The following PCDHGA5 variants were observed in gnomAD, a reference collection of about 807,000 sequenced individuals.
PCDHGA5 encodes protocadherin gamma-A5.
Under a neutral mutation model 56.7 loss-of-function variants are expected in PCDHGA5, and 36 were observed. The observed-to-expected ratio is 0.64, with a 90% CI of 0.49 to 0.84. PCDHGA5 has a LOEUF of 0.84. PCDHGA5 is among the 40% of genes least tolerant of loss of function. The pLI is 0.00. For missense variants in PCDHGA5, 1,305 were observed against 1,201.5 expected (o/e 1.09, Z -1.27); for synonymous variants, 563 against 520.2 (o/e 1.08, Z -1.12).
At chr5:141,424,841 C>A (rs1303241053) in intron 1 of PCDHGA5, among the ~76,000 whole-genome samples, 1 of 152,126 alleles carries the variant, frequency 6.6e-6, no homozygotes. Context: ...TACATGTTAT[C>A]TGAAGCAATG....
intron 1 of PCDHGA5, chr5:141,409,297 T>G (rs762820320): frequency 1.9e-6 from 3 of 1,614,006 alleles, no homozygotes; most frequent in South Asian, 2.2e-5. Context: ...CAGGAATGGT[T>G]GTTGCCCTCT....
rs1264688160 is a variant in PCDHGA5, at chr5:141,493,193, G to A, written c.2422-1614G>A. 6.6e-6 allele frequency among the ~76,000 whole-genome samples: 1 copy of A among 152,128 alleles called. No individual in the cohort carries two copies. On this transcript the variant is annotated intron_variant, in intron 1 of 3. Transcript: ENST00000518069. This position sits in a 1 kb window ranked among gnomAD's most constrained non-coding sequence, Gnocchi z 4.3. ...GAGAAACTTACTATATAACTCCTTT[G>A]AGAACCTCATCTCATTTGCTCTTCC...
chr5:141,429,729 A>G (rs1362403236), intron 1 of PCDHGA5, among the ~76,000 whole-genome samples: 1 of 152,240 alleles, frequency 6.6e-6, no homozygotes, highest in African/African-American at 2.4e-5. Flanking sequence ...GAAAGTACGT[A>G]GCCAGTTATT....
At chr5:141,404,878 T>C (rs748965325) in intron 1 of PCDHGA5, 88 of 1,613,722 alleles carry the variant, frequency 5.5e-5, no homozygotes, top group Non-Finnish European at 7.3e-5. Context: ...AACAGAGCCT[T>C]GTGGTGGCTG....
Position 141,512,270 on chromosome 5 carries a change from G to C in PCDHGA5, c.*1097G>C, listed in dbSNP as rs1188941232. On this transcript the variant is annotated 3_prime_UTR_variant, in exon 4 of 4. Transcript: ENST00000518069. ...TCTGTGGGTGCTGGGTACTCCAGAG[G>C]TGCCACTGGTGGAAGGGTCAGCGGA... 6.5e-6 allele frequency: 1 copy of C among 152,714 alleles called. No homozygotes were observed. The highest frequency in any genetic ancestry group is 2.4e-5 in the African/African-American group (1 of 41,452). The allele number at this position is 152,714 out of a possible 1,614,324, so 9.5% of individuals were successfully genotyped here. A position where few individuals can be genotyped will look rare whatever the true frequency, so the allele number is the denominator to read the frequency against.
chr5:141,460,656 ACTGTAAACACAGT>A (rs2098994793), intron 1 of PCDHGA5, among the ~76,000 whole-genome samples: 1 of 152,086 alleles, frequency 6.6e-6, no homozygotes, highest in Admixed American at 6.6e-5. Flanking sequence ...CACATATGTA[ACTGTAAACACAGT>A]TATATATCTA....
At chr5:141,383,956 A>T in intron 1 of PCDHGA5, 2 of 1,613,670 alleles carry the variant, frequency 1.2e-6, no homozygotes, top group South Asian at 1.1e-5. Flanking sequence ...GACGTCTTTA[A>T]GTAGCTCAAT....
intron 1 of PCDHGA5, among the ~76,000 whole-genome samples, chr5:141,492,711 C>T (rs927567393): frequency 4.6e-5 from 7 of 152,254 alleles, no homozygotes; most frequent in East Asian, 3.8e-4. Flanking sequence ...AAGCCTCGAG[C>T]AGGCGGACAG....
chr5:141,394,795 C>T (rs543209610), intron 1 of PCDHGA5: 1 of 1,613,676 alleles, frequency 6.2e-7, no homozygotes, highest in Non-Finnish European at 8.5e-7. Context: ...GTCACGCTCA[C>T]CGTAGCCGTG....
chr5:141,459,581 G>A (rs945690319), intron 1 of PCDHGA5, among the ~76,000 whole-genome samples: 1 of 152,138 alleles, frequency 6.6e-6, no homozygotes, highest in Non-Finnish European at 1.5e-5. Flanking sequence ...AATTGTTTTG[G>A]GGGTCATATG....
intron 1 of PCDHGA5, chr5:141,376,291 C>G (rs780024608): frequency 6.2e-6 from 10 of 1,614,040 alleles, no homozygotes; most frequent in South Asian, 1.1e-5. Flanking sequence ...CGAGCATGCC[C>G]GGCTCGCACT....
At chr5:141,386,251 C>A (rs2090509345) in intron 1 of PCDHGA5, among the ~76,000 whole-genome samples, 2 of 152,070 alleles carry the variant, frequency 1.3e-5, no homozygotes, top group Admixed American at 1.3e-4. Context: ...GGAAATAACC[C>A]AATCTGGGAT....
chr5:141,433,050 G>A, intron 1 of PCDHGA5: 2 of 1,614,142 alleles, frequency 1.2e-6, no homozygotes, highest in Non-Finnish European at 1.7e-6. Context: ...ACGGACTCGC[G>A]GAAGAGTCAC....
In PCDHGA5 at chr5:141,405,177, G is replaced by C. The variant is rs370032217; in HGVS notation, c.2421+38426G>C. On this transcript the variant is annotated intron_variant, in intron 1 of 3. Coordinates refer to ENST00000518069, the MANE Select transcript of PCDHGA5 (RefSeq NM_018918.3). Reference sequence around the variant, plus strand: ...GGTGTGCCCACCTCACACTTTGTGGGTGTAGATGGGGTTCGAGCTTTCCTA... The same window carrying C: ...GGTGTGCCCACCTCACACTTTGTGGCTGTAGATGGGGTTCGAGCTTTCCTA... 1.6e-5 allele frequency: 26 copies of C among 1,614,140 alleles called. No homozygotes were observed. The highest frequency in any genetic ancestry group is 2.0e-5 in the Non-Finnish European group (24 of 1,180,024).
chr5:141,409,711 A>T (rs768917889), intron 1 of PCDHGA5: 1 of 1,613,204 alleles, frequency 6.2e-7, no homozygotes, highest in Non-Finnish European at 8.5e-7. Flanking sequence ...CGGTGTCGTC[A>T]TACGTGTCAG....
chr5:141,467,042 G>T (rs2099134710), intron 1 of PCDHGA5, among the ~76,000 whole-genome samples: 1 of 149,884 alleles, frequency 6.7e-6, no homozygotes. Context: ...TTTGTGTAAT[G>T]AATCAATGTT....
chr5:141,471,254 T>A (rs1043647138), intron 1 of PCDHGA5: 1 of 151,828 alleles, frequency 6.6e-6, no homozygotes, highest in African/African-American at 2.4e-5. Flanking sequence ...TTTCACCATG[T>A]TGGCAAGGCT....
At chr5:141,458,386 G>A (rs1037969327) in intron 1 of PCDHGA5, among the ~76,000 whole-genome samples, 3 of 152,188 alleles carry the variant, frequency 2.0e-5, no homozygotes, top group African/African-American at 4.8e-5. Context: ...GAAGGAAGAC[G>A]CTCCCCCTTG....
Position 141,421,984 on chromosome 5 carries a change from C to G in PCDHGA5, c.2421+55233C>G, listed in dbSNP as rs201871921. On this transcript the variant is annotated intron_variant, in intron 1 of 3. Transcript: ENST00000518069. ...ACAGTCCGTATATCGCGTGAGTGTT[C>G]CAGAAAACATCAGCTCCGGAACTCG... 21 of 1,608,770 alleles carry G rather than the reference C, an allele frequency of 1.3e-5. No homozygotes were observed. In the Admixed American group the frequency reaches 2.4e-4, roughly 18 times the overall value.
Sources: allele counts gnomAD v4.1 joint callset (sites outside exome capture counted in the v4.1 genomes callset), GRCh38; gene constraint gnomAD v4.1.1; non-coding constraint Gnocchi (gnomAD v3.1); transcripts MANE v1.5; gene names NCBI Gene and HGNC (gene_info 2026-07-23, HGNC 2026-07-21).